UBAC2: variants seen among roughly 807,000 people sequenced by gnomAD.
The protein encoded by UBAC2 is UBA domain containing 2.
UBAC2 carries 26 observed loss-of-function variants against 44.0 expected under a neutral mutation model. The observed-to-expected ratio is 0.59, with a 90% CI of 0.43 to 0.82. The LOEUF (loss-of-function observed/expected upper bound fraction) is 0.82. Ranked by LOEUF, UBAC2 falls within the 40% of genes least tolerant of loss-of-function variation. The pLI is 0.00. For synonymous variants in UBAC2, 155 were observed against 154.3 expected (o/e 1.00, Z -0.04); for missense variants, 329 against 419.4 (o/e 0.78, Z 1.88).
At chr13:99,375,801 C>CTT (rs34318354) in intron 8 of UBAC2, among the ~76,000 whole-genome samples, 2,573 of 110,890 alleles carry the variant, frequency 0.023, 182 homozygotes, top group African/African-American at 0.067. Context: ...TCCTTTTTCC[C>CTT]TTTTTTTTTT....
intron 4 of UBAC2, among the ~76,000 whole-genome samples, chr13:99,311,483 G>C (rs1171146244): frequency 6.6e-6 from 1 of 152,180 alleles, no homozygotes; most frequent in East Asian, 1.9e-4. Flanking sequence ...TGAAAAGAAG[G>C]CCCAGCTGTT....
chr13:99,333,119 T>G (rs187199842), intron 6 of UBAC2, among the ~76,000 whole-genome samples: 3 of 152,192 alleles, frequency 2.0e-5, no homozygotes, highest in African/African-American at 4.8e-5. Context: ...AAGAGAGAGA[T>G]AATGAAAATT....
chr13:99,366,936 G>A (rs940754356), intron 7 of UBAC2, among the ~76,000 whole-genome samples: 2 of 152,208 alleles, frequency 1.3e-5, no homozygotes, highest in Non-Finnish European at 2.9e-5. Context: ...GGTGTTTGTA[G>A]TAGGAAGAGT....
intron 4 of UBAC2, among the ~76,000 whole-genome samples, chr13:99,286,234 T>C (rs547489159): frequency 6.6e-6 from 1 of 152,358 alleles, no homozygotes; most frequent in Admixed American, 6.5e-5. Flanking sequence ...ATCAAAAGAA[T>C]GTAACATTTA....
chr13:99,218,116 CTT>C (rs1321042277), intron 1 of UBAC2, among the ~76,000 whole-genome samples: 1 of 152,146 alleles, frequency 6.6e-6, no homozygotes, highest in Non-Finnish European at 1.5e-5. Flanking sequence ...ATTTTTTAAA[CTT>C]ATTTTGGCTT....
chr13:99,225,256 C>G (rs150053856), intron 1 of UBAC2, among the ~76,000 whole-genome samples: 1 of 152,202 alleles, frequency 6.6e-6, no homozygotes, highest in Non-Finnish European at 1.5e-5. Context: ...CTCTTCTCAT[C>G]TTGCAGAAAT....
intron 4 of UBAC2, among the ~76,000 whole-genome samples, chr13:99,279,190 C>T (rs1489425212): frequency 6.6e-6 from 1 of 152,148 alleles, no homozygotes; most frequent in East Asian, 1.9e-4. Context: ...ATCCCCACTC[C>T]TCTTCCCCTC....
At chr13:99,287,985 C>A (rs887290588) in intron 4 of UBAC2, among the ~76,000 whole-genome samples, 1 of 152,064 alleles carries the variant, frequency 6.6e-6, no homozygotes, top group Non-Finnish European at 1.5e-5. Context: ...TAGGCAGTAA[C>A]CTTATACATT....
intron 7 of UBAC2, among the ~76,000 whole-genome samples, chr13:99,346,880 G>A (rs913462305): frequency 1.3e-5 from 2 of 151,588 alleles, no homozygotes; most frequent in African/African-American, 4.9e-5. Context: ...ATAATGCCTG[G>A]CAGATGTTAG....
rs146846751 is a variant in UBAC2, at chr13:99,220,138, T to C, written c.32-18289T>C. 4.7e-3 allele frequency among the ~76,000 whole-genome samples: 723 copies of C among 152,306 alleles called. 19 individuals are homozygous for C. The highest frequency in any genetic ancestry group is 0.027 in the East Asian group (140 of 5,188). On this transcript the variant is annotated intron_variant, in intron 1 of 8. Transcript: ENST00000403766. ...GACGTTTTGTGGAACCAAAAAGATATATCTTAAGTATTAAAATAGTACACA... is the reference window on the plus strand; with the variant it reads ...GACGTTTTGTGGAACCAAAAAGATACATCTTAAGTATTAAAATAGTACACA...
intron 4 of UBAC2, among the ~76,000 whole-genome samples, chr13:99,270,296 A>G (rs1426229438): frequency 6.6e-6 from 1 of 152,206 alleles, no homozygotes; most frequent in African/African-American, 2.4e-5. Flanking sequence ...TCAAGGGCAT[A>G]TGGTAATATT....
At chr13:99,220,870 A>G (rs1179044811) in intron 1 of UBAC2, among the ~76,000 whole-genome samples, 1 of 152,072 alleles carries the variant, frequency 6.6e-6, no homozygotes, top group Non-Finnish European at 1.5e-5. Flanking sequence ...TAATTGTCAA[A>G]ATCGATTTTT....
At chr13:99,324,443 C>T (rs1181644587) in intron 6 of UBAC2, among the ~76,000 whole-genome samples, 1 of 152,228 alleles carries the variant, frequency 6.6e-6, no homozygotes, top group Non-Finnish European at 1.5e-5. Context: ...GGCAGCTCCT[C>T]AGACTCCAGA....
chr13:99,311,837 G>A (rs755191527), intron 4 of UBAC2, among the ~76,000 whole-genome samples: 16 of 152,212 alleles, frequency 1.1e-4, no homozygotes, highest in Non-Finnish European at 1.9e-4. Flanking sequence ...CCTGTCCTGG[G>A]GTGCTCAGCC....
intron 4 of UBAC2, chr13:99,296,174 A>AG (rs764864531): frequency 6.5e-7 from 1 of 1,536,842 alleles, no homozygotes; most frequent in East Asian, 2.3e-5. Flanking sequence ...CTAGAAAAAA[A>AG]CCAAGAAGGA....
At chr13:99,314,648 A>G (rs1033342324) in intron 5 of UBAC2, 1 of 153,616 alleles carries the variant, frequency 6.5e-6, no homozygotes, top group African/African-American at 2.4e-5. Context: ...TGCTCTACCA[A>G]CCCGAGCTTT....
rs201712233 is a variant in UBAC2, at chr13:99,244,567, T to C, written c.332T>C (p.Ile111Thr). ...VLSALFDFLL[I>T]EAMQYFFGIT... ...TCAGCCTTATTTGACTTTCTCCTCA[T>C]TGAAGCTATGCAGTATTTCTTTGGC... The change falls in exon 4 of 9, where the codon ATT becomes ACT. Residue 111 changes from isoleucine to threonine, a missense_variant. Ile to Thr is a moderately conservative substitution (Grantham distance 89). Coordinates refer to ENST00000403766, the MANE Select transcript of UBAC2 (RefSeq NM_001144072.2). 1,082 of 1,613,348 alleles carry C rather than the reference T, an allele frequency of 6.7e-4. 1 individual carries two copies. The highest frequency in any genetic ancestry group is 8.4e-4 in the Non-Finnish European group (995 of 1,179,584).
At chr13:99,229,582 G>A (rs901297563) in intron 1 of UBAC2, among the ~76,000 whole-genome samples, 5 of 152,184 alleles carry the variant, frequency 3.3e-5, no homozygotes, top group East Asian at 1.9e-4. Context: ...TTGCAGCCTC[G>A]TTTTAGGAAA....
At chr13:99,251,593 G>T (rs1369791627) in intron 4 of UBAC2, among the ~76,000 whole-genome samples, 2 of 152,130 alleles carry the variant, frequency 1.3e-5, no homozygotes, top group Non-Finnish European at 2.9e-5. Flanking sequence ...TTTCTAAAAT[G>T]CAGGCTTAAC....
Sources: allele counts gnomAD v4.1 joint callset (sites outside exome capture counted in the v4.1 genomes callset), GRCh38; gene constraint gnomAD v4.1.1; transcripts MANE v1.5; gene names NCBI Gene and HGNC (gene_info 2026-07-23, HGNC 2026-07-21).